Variants in DSE observed in about 807,000 individuals in gnomAD.
The protein encoded by DSE is dermatan sulfate epimerase, also known as dermatan-sulfate epimerase.
Under a neutral mutation model 84.4 loss-of-function variants are expected in DSE, and 36 were observed. That is an observed-to-expected ratio of 0.43 (90% confidence interval 0.33 to 0.56). The LOEUF (loss-of-function observed/expected upper bound fraction) is 0.56. DSE is among the 20% of genes least tolerant of loss of function. The pLI is 0.06. For synonymous variants in DSE, 410 were observed against 430.1 expected, an observed-to-expected ratio of 0.95 and a Z score of 0.58; for missense variants, 862 against 1,169.6, an observed-to-expected ratio of 0.74 and a Z score of 3.84.
intron 2 of DSE, among the ~76,000 whole-genome samples, chr6:116,352,928 C>G (rs1196404013): frequency 5.3e-5 from 8 of 152,150 alleles, no homozygotes; most frequent in South Asian, 2.1e-4. Context: ...TCCTTCCTCT[C>G]TCTCTTTCTC....
At chr6:116,340,485 AT>A (rs1014303339) in intron 2 of DSE, among the ~76,000 whole-genome samples, 6 of 151,694 alleles carry the variant, frequency 4.0e-5, no homozygotes, top group Non-Finnish European at 7.4e-5. Flanking sequence ...CATTGCTGTC[AT>A]TTTTTTTATT....
In DSE at chr6:116,430,999, T is replaced by G. The variant is rs1562308912; in HGVS notation, c.716T>G (p.Ile239Ser). ...AYLWTKQVLT[I>S]MEKSLVLLRE... is the part of the protein sequence containing the mutation. ...TTATGGACCAAACAAGTTCTGACCATCATGGAGAAATCTCTGGTCTTGCTC... is the reference window on the plus strand; with the variant it reads ...TTATGGACCAAACAAGTTCTGACCAGCATGGAGAAATCTCTGGTCTTGCTC... Residue 239 changes from isoleucine (I) to serine (S), a missense_variant, in exon 4 of 6, where the codon ATC becomes AGC. Transcript: ENST00000644252. 1 of 1,614,120 alleles carries G rather than the reference T, an allele frequency of 6.2e-7. No homozygotes were observed. The highest frequency in any genetic ancestry group is 8.5e-7 in the Non-Finnish European group (1 of 1,180,036).
At position 116,436,403 on chromosome 6, in the gene DSE, C is replaced by T; in HGVS notation, c.1935C>T (p.Asn645=). 3 of 1,614,160 alleles carry T rather than the reference C, an allele frequency of 1.9e-6. No individual in the cohort carries two copies. Among genetic ancestry groups the T allele is most frequent in the Non-Finnish European group, 2.5e-6 (3 of 1,180,018 alleles). Residue 645 remains asparagine (N), a synonymous_variant, in exon 6 of 6, where the codon AAC becomes AAT. Coordinates refer to ENST00000644252, the MANE Select transcript of DSE (RefSeq NM_013352.4). ...YPRGYPYNGT[N]YVNVTMHLRS... ...GGGGCTATCCCTACAATGGGACAAA[C>T]TATGTGAATGTCACCATGCACCTCC... is the stretch of plus-strand genomic sequence containing the variant.
intron 1 of DSE, among the ~76,000 whole-genome samples, chr6:116,373,428 G>A (rs1779732810): frequency 6.6e-6 from 1 of 152,146 alleles, no homozygotes; most frequent in South Asian, 2.1e-4. Flanking sequence ...GGGGTTATTA[G>A]GTTCCATTCT....
chr6:116,374,561 C>G (rs1051556392), intron 1 of DSE, among the ~76,000 whole-genome samples: 2 of 152,136 alleles, frequency 1.3e-5, no homozygotes, highest in South Asian at 2.1e-4. Context: ...TTGTTTATAA[C>G]AGAATACTTG....
At chr6:116,416,375 G>A (rs2115037019) in intron 2 of DSE, among the ~76,000 whole-genome samples, 1 of 151,782 alleles carries the variant, frequency 6.6e-6, no homozygotes, top group African/African-American at 2.4e-5. Flanking sequence ...GTGTGTGTGT[G>A]TGTGTGTGTG....
At chr6:116,303,362 T>C (rs1775152987) in intron 2 of DSE, among the ~76,000 whole-genome samples, 1 of 152,202 alleles carries the variant, frequency 6.6e-6, no homozygotes, top group South Asian at 2.1e-4. Flanking sequence ...TTTGCAGCAC[T>C]TAATACAATT....
intron 2 of DSE, among the ~76,000 whole-genome samples, chr6:116,401,905 T>A (rs1781621065): frequency 7.4e-6 from 1 of 135,940 alleles, no homozygotes. Flanking sequence ...AAGAGATCAA[T>A]AATTGATATT....
At chr6:116,392,306 A>C (rs987893515) in intron 1 of DSE, among the ~76,000 whole-genome samples, 1 of 152,234 alleles carries the variant, frequency 6.6e-6, no homozygotes, top group African/African-American at 2.4e-5. Context: ...TGAGCAAGCG[A>C]GTCACAGTGC....
In DSE at chr6:116,279,522, A is replaced by G. The variant is rs555815979; in HGVS notation, c.-54+20555A>G. 1.3e-5 allele frequency: 21 copies of G among 1,607,694 alleles called. No homozygotes were observed. In the South Asian group the frequency reaches 2.3e-4, roughly 18 times the overall value. ...AAGCGGCTGCCAGGCCTTCGGCGGG[A>G]GGCTGGCCCTCTTCCTGCCCGGCTT... On this transcript the variant is annotated intron_variant, in intron 2 of 3. Transcript: ENST00000430252.
chr6:116,296,783 G>A (rs1774692323), intron 2 of DSE, among the ~76,000 whole-genome samples: 1 of 152,174 alleles, frequency 6.6e-6, no homozygotes, highest in African/African-American at 2.4e-5. Flanking sequence ...AAGGAAGCTG[G>A]ATTTTATTCT....
chr6:116,354,369 G>C (rs1449433511), intron 2 of DSE, among the ~76,000 whole-genome samples: 1 of 152,040 alleles, frequency 6.6e-6, no homozygotes, highest in Non-Finnish European at 1.5e-5. Context: ...TTCTTGAGTC[G>C]GGCTCTTTTT....
chr6:116,255,126 A>C (rs1772092006), intron 1 of DSE: 1 of 152,248 alleles, frequency 6.6e-6, no homozygotes, highest in Non-Finnish European at 1.5e-5. Context: ...AGAAAAATGC[A>C]AGACCAAAGG....
intron 1 of DSE, among the ~76,000 whole-genome samples, chr6:116,382,388 C>A (rs1302737457): frequency 6.6e-6 from 1 of 152,132 alleles, no homozygotes; most frequent in Non-Finnish European, 1.5e-5. Flanking sequence ...CTTCTGTCTC[C>A]TTTCTGCCTG....
At chr6:116,433,832 A>G (rs1351754013) in intron 5 of DSE, among the ~76,000 whole-genome samples, 1 of 152,146 alleles carries the variant, frequency 6.6e-6, no homozygotes, top group African/African-American at 2.4e-5. Flanking sequence ...TGTTAGAAAC[A>G]TTTCTTTATG....
chr6:116,326,295 A>G (rs905932456), intron 2 of DSE, among the ~76,000 whole-genome samples: 1 of 152,050 alleles, frequency 6.6e-6, no homozygotes, highest in Non-Finnish European at 1.5e-5. Flanking sequence ...CATAGCCTCT[A>G]GAGACGAAAG....
intron 2 of DSE, among the ~76,000 whole-genome samples, chr6:116,419,678 A>G (rs533835210): frequency 6.6e-6 from 1 of 152,338 alleles, no homozygotes; most frequent in Admixed American, 6.5e-5. Context: ...TGCAATTTCT[A>G]AGGAGTTCAC....
At position 116,433,474 on chromosome 6, in the gene DSE, A is replaced by G; in HGVS notation, c.1042A>G (p.Arg348Gly). The stretch of plus-strand genomic sequence containing the variant: ...TAACTGGCTAGCTGACCAAATCAGA[A>G]GGAACCGTGTGGTGGAAGGTCCAGG... The part of the protein sequence containing the change: ...SGNWLADQIR[R>G]NRVVEGPGTP... The change falls in exon 5 of 6, where the codon AGG becomes GGG. Residue 348 changes from arginine to glycine, a missense_variant. Coordinates refer to ENST00000644252, the MANE Select transcript of DSE (RefSeq NM_013352.4). 1 of 1,557,990 alleles carries G rather than the reference A, an allele frequency of 6.4e-7. No homozygotes were observed. The highest frequency in any genetic ancestry group is 8.7e-7 in the Non-Finnish European group (1 of 1,149,944).
rs1779517595 is a variant in DSE at position 116,371,046 on chromosome 6, G to A, written c.-129G>A. Reference sequence around the variant, plus strand: ...GGGGGCCGGGAGCCCGGGCGCCCTGGAGTGAGGAGGACCGGGAGCTGGCTC... The same window carrying A: ...GGGGGCCGGGAGCCCGGGCGCCCTGAAGTGAGGAGGACCGGGAGCTGGCTC... On this transcript the variant is annotated 5_prime_UTR_variant, in exon 1 of 6. Coordinates refer to ENST00000644252, the MANE Select transcript of DSE (RefSeq NM_013352.4). 1 of 985,970 alleles carries A rather than the reference G, an allele frequency of 1.0e-6. No homozygotes were observed. The highest frequency in any genetic ancestry group is 1.2e-6 in the Non-Finnish European group (1 of 830,408). The allele number at this position is 985,970 out of a possible 1,614,324, so 61.1% of individuals were successfully genotyped here.
Sources: allele counts gnomAD v4.1 joint callset (sites outside exome capture counted in the v4.1 genomes callset), GRCh38; gene constraint gnomAD v4.1.1; transcripts MANE v1.5; gene names NCBI Gene and HGNC (gene_info 2026-07-23, HGNC 2026-07-21).